ADAMTSL3: variants seen among roughly 807,000 people sequenced by gnomAD.
ADAMTSL3 encodes the protein ADAMTS like 3, also known as ADAMTS-like protein 3.
Under a neutral mutation model 201.7 loss-of-function variants are expected in ADAMTSL3, and 128 were observed. The ratio of observed to expected loss-of-function variants is 0.63; its 90% confidence interval spans 0.55 to 0.73. ADAMTSL3 has a LOEUF of 0.73. Among genes scored for constraint, ADAMTSL3 ranks in the 30% least tolerant of loss-of-function variants. The pLI is 0.00. For missense variants in ADAMTSL3, 1,990 were observed against 2,119.6 expected, an observed-to-expected ratio of 0.94 and a Z score of 1.20; for synonymous variants, 738 against 748.4, an observed-to-expected ratio of 0.99 and a Z score of 0.23.
intron 23 of ADAMTSL3, among the ~76,000 whole-genome samples, chr15:83,994,586 GTTTTTTTTTTTTTTTTTTTT>G (rs3045402): frequency 2.0e-5 from 1 of 50,234 alleles, no homozygotes; most frequent in Non-Finnish European, 3.6e-5. Flanking sequence ...TTGTTTTTTC[GTTTTTTTTTTTTTTTTTTTT>G]TTTTTTTTGA....
intron 23 of ADAMTSL3, among the ~76,000 whole-genome samples, chr15:83,994,464 GT>G (rs1452003242): frequency 1.3e-5 from 2 of 151,746 alleles, no homozygotes; most frequent in African/African-American, 4.8e-5. Flanking sequence ...CTAAAGGAGA[GT>G]TTTTCCCAGG....
In ADAMTSL3 at chr15:83,982,984, A is replaced by C; in HGVS notation, c.3356A>C (p.Gln1119Pro). 2 of 1,614,208 alleles carry C rather than the reference A, an allele frequency of 1.2e-6. No homozygotes were observed. Among genetic ancestry groups the C allele is most frequent in the African/African-American group, 1.3e-5 (1 of 75,056 alleles). The change falls in exon 21 of 30, where the codon CAG becomes CCG. Residue 1119 changes from glutamine (Q) to proline (P), a missense_variant. Gln to Pro is a moderately conservative substitution (Grantham distance 76). Coordinates refer to ENST00000286744, the MANE Select transcript of ADAMTSL3 (RefSeq NM_207517.3). ...TGEVSDDLAS[Q>P]LIYQLVAELA... ...GAGGTCAGCGATGATCTTGCGTCCC[A>C]GCTGATATATCAGCTGGTGGCCGAA... is the stretch of plus-strand genomic sequence containing the variant.
intron 15 of ADAMTSL3, among the ~76,000 whole-genome samples, chr15:83,902,471 C>T (rs906978122): frequency 2.6e-5 from 4 of 152,126 alleles, no homozygotes; most frequent in African/African-American, 9.7e-5. Flanking sequence ...AGGGTTTCAC[C>T]ATGTTAGCCA....
At chr15:83,813,352 T>C (rs1320702155) in intron 5 of ADAMTSL3, among the ~76,000 whole-genome samples, 1 of 152,180 alleles carries the variant, frequency 6.6e-6, no homozygotes, top group Non-Finnish European at 1.5e-5. Context: ...AGGATCTGAC[T>C]TAACGAGGAC....
intron 4 of ADAMTSL3, among the ~76,000 whole-genome samples, chr15:83,775,939 A>T (rs1392337150): frequency 1.3e-5 from 2 of 152,140 alleles, no homozygotes; most frequent in Non-Finnish European, 2.9e-5. Flanking sequence ...ACATGCTGGC[A>T]CTCATGCACG....
chr15:83,824,634 T>G (rs534579008), intron 6 of ADAMTSL3, among the ~76,000 whole-genome samples: 1 of 152,286 alleles, frequency 6.6e-6, no homozygotes, highest in East Asian at 1.9e-4. Flanking sequence ...GCTTTGCTCT[T>G]TCATCCCTCT....
At chr15:83,878,156 C>G (rs1338934281) in intron 9 of ADAMTSL3, among the ~76,000 whole-genome samples, 1 of 152,096 alleles carries the variant, frequency 6.6e-6, no homozygotes, top group East Asian at 1.9e-4. Context: ...TCATTATGTA[C>G]AAGCATAGAG....
At chr15:83,924,089 C>T in intron 17 of ADAMTSL3, 56 bp downstream of exon 17, 4 of 1,594,590 alleles carry the variant, frequency 2.5e-6, no homozygotes, top group Non-Finnish European at 3.4e-6. Flanking sequence ...AACACCCTCC[C>T]TGCAGAGAAA....
intron 5 of ADAMTSL3, among the ~76,000 whole-genome samples, chr15:83,818,346 C>T (rs2063800978): frequency 6.6e-6 from 1 of 151,924 alleles, no homozygotes; most frequent in South Asian, 2.1e-4. Context: ...GTTTTTTTGG[C>T]AACAGAGTCT....
intron 3 of ADAMTSL3, among the ~76,000 whole-genome samples, chr15:83,732,436 A>G (rs2062294303): frequency 6.6e-6 from 1 of 152,132 alleles, no homozygotes; most frequent in South Asian, 2.1e-4. Context: ...TCAGTTCAAA[A>G]CATACACGAG....
intron 3 of ADAMTSL3, chr15:83,717,400 A>T (rs1357791497): frequency 6.6e-6 from 1 of 152,226 alleles, no homozygotes; most frequent in Non-Finnish European, 1.5e-5. Context: ...TGTGCCTTAT[A>T]ATTACAGTTT....
chr15:83,865,253 GA>G (rs1158255054), intron 8 of ADAMTSL3, among the ~76,000 whole-genome samples: 4 of 152,062 alleles, frequency 2.6e-5, no homozygotes, highest in Non-Finnish European at 4.4e-5. Context: ...CACAGAATTG[GA>G]AAAAACTACT....
chr15:83,737,467 A>G (rs1399255455), intron 3 of ADAMTSL3, among the ~76,000 whole-genome samples: 1 of 152,112 alleles, frequency 6.6e-6, no homozygotes, highest in African/African-American at 2.4e-5. Flanking sequence ...GTGTTTGGCA[A>G]GTTCCTCCTT....
intron 19 of ADAMTSL3, among the ~76,000 whole-genome samples, chr15:83,953,532 TTCA>T (rs1237428929): frequency 6.6e-6 from 1 of 152,198 alleles, no homozygotes; most frequent in Admixed American, 6.5e-5. Flanking sequence ...TTTTGATTGG[TTCA>T]TCATTTAGAC....
chr15:83,856,249 C>A (rs2064729949), intron 7 of ADAMTSL3, among the ~76,000 whole-genome samples: 1 of 150,598 alleles, frequency 6.6e-6, no homozygotes, highest in South Asian at 2.1e-4. Context: ...TTCACTGCAG[C>A]CTCAACCTCC....
intron 19 of ADAMTSL3, chr15:83,962,616 C>G (rs2066993596): frequency 6.6e-6 from 1 of 152,146 alleles, no homozygotes; most frequent in Non-Finnish European, 1.5e-5. Flanking sequence ...ATTCATGTTA[C>G]TCTATATATG....
At chr15:83,730,240 A>G (rs1181173390) in intron 3 of ADAMTSL3, among the ~76,000 whole-genome samples, 1 of 152,138 alleles carries the variant, frequency 6.6e-6, no homozygotes, top group Non-Finnish European at 1.5e-5. Flanking sequence ...AAGAAGAAAC[A>G]TGGAACATTA....
chr15:83,930,919 C>G (rs903040612), intron 17 of ADAMTSL3, among the ~76,000 whole-genome samples: 3 of 152,158 alleles, frequency 2.0e-5, no homozygotes, highest in African/African-American at 7.2e-5. Flanking sequence ...AAATATTACC[C>G]CAGGGTGAAA....
intron 3 of ADAMTSL3, among the ~76,000 whole-genome samples, chr15:83,745,132 C>G (rs1438565863): frequency 6.6e-6 from 1 of 152,228 alleles, no homozygotes; most frequent in African/African-American, 2.4e-5. Context: ...AGCGGCTTGA[C>G]TTCGGCTGGG....
Sources: gnomAD v4.1 joint callset for allele counts (sites outside exome capture counted in the v4.1 genomes callset) on GRCh38, gnomAD v4.1.1 for gene constraint, MANE v1.5 for transcripts, NCBI Gene and HGNC (gene_info 2026-07-23, HGNC 2026-07-21) for gene names.